Variants in ZNF184 observed in about 807,000 individuals in gnomAD.
ZNF184 encodes zinc finger protein 184 (Kruppel-like).
A neutral mutation model predicts 54.4 loss-of-function variants in ZNF184; 16 were observed. The observed-to-expected ratio is 0.29, with a 90% confidence interval of 0.20 to 0.45. The LOEUF is 0.45. ZNF184 is among the 20% of genes least tolerant of loss of function. The pLI, the probability that ZNF184 is intolerant of heterozygous loss-of-function variation, is 1.00. For missense variants in ZNF184, 681 were observed against 888.2 expected (o/e 0.77, Z 2.97); for synonymous variants, 254 against 295.3 (o/e 0.86, Z 1.43).
chr6:27,462,136 C>G (rs1241802141), intron 3 of ZNF184, among the ~76,000 whole-genome samples: 3 of 152,176 alleles, frequency 2.0e-5, no homozygotes, highest in African/African-American at 4.8e-5. Context: ...CTTAACAAAT[C>G]TTAAAAGGCC....
In ZNF184 at chr6:27,451,269, T is replaced by C; in HGVS notation, c.*34A>G. ...TAACAAAAGGACAAACTAAAGTAAA[T>C]ATCTCCCCTAAATTTATGATGTTCC... is the stretch of plus-strand genomic sequence containing the variant. On this transcript the variant is annotated 3_prime_UTR_variant, in exon 6 of 6. Coordinates refer to ENST00000683788, the MANE Select transcript of ZNF184 (RefSeq NM_001318891.2). The C allele has an allele frequency of 6.5e-7, 1 of 1,534,118 alleles. No individual in the cohort carries two copies.
In ZNF184 at chr6:27,472,584, TCGGGTACG is replaced by T. The variant is rs1763305666; in HGVS notation, c.-140+137_-140+144del. 1 of 412,448 alleles carries T rather than the reference TCGGGTACG, an allele frequency of 2.4e-6. No homozygotes were observed. Among genetic ancestry groups the T allele is most frequent in the African/African-American group, 2.0e-5 (1 of 49,770 alleles). The allele number at this position is 412,448 out of a possible 1,614,324, so 25.5% of individuals were successfully genotyped here. A position where few individuals can be genotyped will look rare whatever the true frequency, so the allele number is the denominator to read the frequency against. ...TCCGATGAACAAAACAGAGTGGAGATCGGGTACGCGGGTTCTGCTTCAGATCCAAAAAA... is the reference window on the plus strand; with the variant it reads ...TCCGATGAACAAAACAGAGTGGAGATCGGGTTCTGCTTCAGATCCAAAAAA... On this transcript the variant is annotated intron_variant, in intron 1 of 5. Transcript: ENST00000683788. The surrounding 1 kb of genome is among the most constrained non-coding windows in gnomAD (Gnocchi z 4.8).
chr6:27,458,295 T>TAAAAGAA (rs1762912071), intron 3 of ZNF184, among the ~76,000 whole-genome samples: 1 of 62,368 alleles, frequency 1.6e-5, no homozygotes, highest in Non-Finnish European at 2.9e-5. Flanking sequence ...TTCTGCACAG[T>TAAAAGAA]AAAAAAAAAA....
chr6:27,455,041 G>T, intron 5 of ZNF184, among the ~76,000 whole-genome samples: 1 of 152,124 alleles, frequency 6.6e-6, no homozygotes, highest in East Asian at 1.9e-4. Flanking sequence ...TAGGCCCAGG[G>T]CTAGTGGCCA....
Position 27,453,238 on chromosome 6 carries a change from A to G in ZNF184, c.321T>C (p.Asn107=), listed in dbSNP as rs570696151. ...TCADWETRLE[N]SVSAPEPDIS... ...TGTCAGGCTCTGGGGCTGACACACTATTTTCAAGTCTTGTCTCCCAGTCTA... is the reference window on the plus strand; with the variant it reads ...TGTCAGGCTCTGGGGCTGACACACTGTTTTCAAGTCTTGTCTCCCAGTCTA... Residue 107 remains asparagine (N), a synonymous_variant, in exon 6 of 6, where the codon AAT becomes AAC. Coordinates refer to ENST00000683788, the MANE Select transcript of ZNF184 (RefSeq NM_001318891.2). This position sits in a 1 kb window ranked among gnomAD's most constrained non-coding sequence, Gnocchi z 4.7. 8 of 1,599,852 alleles carry G rather than the reference A, an allele frequency of 5.0e-6. No homozygotes were observed. The highest frequency in any genetic ancestry group is 1.1e-5 in the South Asian group (1 of 88,292).
the ZNF184 span, among the ~76,000 whole-genome samples, chr6:27,414,365 C>T: frequency 2.6e-5 from 4 of 152,192 alleles, no homozygotes; most frequent in Non-Finnish European, 4.4e-5. Context: ...CAGAATCTTC[C>T]GGTAGCTTTT....
chr6:27,448,661 A>G (rs901507595), downstream of ZNF184, among the ~76,000 whole-genome samples: 2 of 152,146 alleles, frequency 1.3e-5, no homozygotes, highest in Non-Finnish European at 2.9e-5. Flanking sequence ...TGTGGCTCCT[A>G]GTACCTCTGC....
chr6:27,438,463 C>T, the ZNF184 span, among the ~76,000 whole-genome samples: 1 of 152,058 alleles, frequency 6.6e-6, no homozygotes, highest in Non-Finnish European at 1.5e-5. Flanking sequence ...ATTGGACATG[C>T]TTTTTTTAAT....
At chr6:27,410,289 G>T in the ZNF184 span, among the ~76,000 whole-genome samples, 3 of 152,328 alleles carry the variant, frequency 2.0e-5, no homozygotes, top group East Asian at 5.8e-4. Flanking sequence ...TTTTACTCCA[G>T]TTCTGCCGAC....
chr6:27,422,034 G>A, the ZNF184 span, among the ~76,000 whole-genome samples: 1 of 151,578 alleles, frequency 6.6e-6, no homozygotes, highest in Admixed American at 6.6e-5. Context: ...CCAGCTACTG[G>A]GAAAGTTGAG....
At chr6:27,424,300 G>T in the ZNF184 span, among the ~76,000 whole-genome samples, 1 of 152,224 alleles carries the variant, frequency 6.6e-6, no homozygotes, top group African/African-American at 2.4e-5. Context: ...AGCACAAAGA[G>T]TAAGCAGCAG....
chr6:27,418,374 T>C, the ZNF184 span, among the ~76,000 whole-genome samples: 1 of 152,200 alleles, frequency 6.6e-6, no homozygotes, highest in Non-Finnish European at 1.5e-5. Context: ...TTCCAGGGTT[T>C]TTGGCTCCAT....
In ZNF184 at chr6:27,453,386, C is replaced by A; in HGVS notation, c.299-126G>T. 1.0e-6 allele frequency: 1 copy of A among 976,280 alleles called. No individual in the cohort carries two copies. Among genetic ancestry groups the A allele is most frequent in the Non-Finnish European group, 1.4e-6 (1 of 711,178 alleles). 60.5% of individuals were successfully genotyped at this position (976,280 alleles called of 1,614,324 possible). ...ATTCTAATGGTTTTCAAATATATAG[C>A]CATATTATTTGGGGAGAAAGTTGGA... is the stretch of plus-strand genomic sequence containing the variant. On this transcript the variant is annotated intron_variant, in intron 5 of 5. Coordinates refer to ENST00000683788, the MANE Select transcript of ZNF184 (RefSeq NM_001318891.2). The surrounding 1 kb of genome is among the most constrained non-coding windows in gnomAD (Gnocchi z 4.7).
At chr6:27,449,785 C>T (rs1230273127), downstream of ZNF184, among the ~76,000 whole-genome samples, 1 of 151,962 alleles carries the variant, frequency 6.6e-6, no homozygotes, top group Non-Finnish European at 1.5e-5. Context: ...TTTAACTTTG[C>T]TCTACTCTCT....
the ZNF184 span, among the ~76,000 whole-genome samples, chr6:27,418,945 G>A: frequency 5.1e-4 from 77 of 151,850 alleles, no homozygotes; most frequent in Admixed American, 3.2e-3. Context: ...TGTAAATCTA[G>A]TGTCCTATAT....
At chr6:27,442,649 A>C in the ZNF184 span, among the ~76,000 whole-genome samples, 4 of 150,480 alleles carry the variant, frequency 2.7e-5, no homozygotes, top group Non-Finnish European at 5.9e-5. Flanking sequence ...GGAAGCAAGC[A>C]AGAAAGAAAG....
the ZNF184 span, among the ~76,000 whole-genome samples, chr6:27,432,587 CT>C: frequency 6.6e-6 from 1 of 152,146 alleles, no homozygotes; most frequent in African/African-American, 2.4e-5. The surrounding 1 kb of genome is among the most constrained non-coding windows in gnomAD (Gnocchi z 4.0). Context: ...GGAGAGGGGT[CT>C]TTTTTGTGCC....
At chr6:27,465,747 G>A (rs188300334) in intron 3 of ZNF184, among the ~76,000 whole-genome samples, 49 of 152,148 alleles carry the variant, frequency 3.2e-4, no homozygotes, top group Admixed American at 2.7e-3. Flanking sequence ...ATATATTTGC[G>A]AAAATTGGTA....
intron 5 of ZNF184, 142 bp downstream of exon 5, chr6:27,456,684 C>A: frequency 1.4e-6 from 1 of 696,688 alleles, no homozygotes; most frequent in South Asian, 2.0e-5. Flanking sequence ...TAAGAAAGTC[C>A]AGAAAACAGA....
Sources: gnomAD v4.1 joint callset for allele counts (sites outside exome capture counted in the v4.1 genomes callset) on GRCh38, gnomAD v4.1.1 for gene constraint, Gnocchi (gnomAD v3.1) non-coding constraint, MANE v1.5 for transcripts, NCBI Gene and HGNC (gene_info 2026-07-23, HGNC 2026-07-21) for gene names.